The following GAD2 variants were observed in gnomAD, a reference collection of about 807,000 sequenced individuals.
GAD2 encodes the protein glutamate decarboxylase 2.
Under a neutral mutation model 80.1 loss-of-function variants are expected in GAD2, and 22 were observed. That is an observed-to-expected ratio of 0.27 (90% CI 0.20 to 0.39). The LOEUF (loss-of-function observed/expected upper bound fraction) is 0.39, where lower values mean the gene tolerates loss of function less well. Among genes scored for constraint, GAD2 ranks in the 10% least tolerant of loss-of-function variants. The pLI is 1.00. For missense variants in GAD2, 624 were observed against 738.4 expected (o/e 0.85, Z 1.80); for synonymous variants, 274 against 256.9 (o/e 1.07, Z -0.64).
rs778769178 is a variant in GAD2 at position 26,217,819 on chromosome 10, C to T, written c.137-23C>T. ...GGGCCCGGCGGAGGATTGACGAGGC[C>T]CGCGTTCGGTGTCCTTACCCAGCCC... On this transcript the variant is annotated intron_variant, in intron 2 of 15. Coordinates refer to ENST00000376261, the MANE Select transcript of GAD2 (RefSeq NM_001134366.2). The surrounding 1 kb of genome is among the most constrained non-coding windows in gnomAD (Gnocchi z 4.9). 1.9e-6 allele frequency: 3 copies of T among 1,589,688 alleles called. No homozygotes were observed. The highest frequency in any genetic ancestry group is 2.6e-6 in the Non-Finnish European group (3 of 1,167,368).
At chr10:26,254,288 C>T (rs967918767) in intron 8 of GAD2, among the ~76,000 whole-genome samples, 4 of 152,202 alleles carry the variant, frequency 2.6e-5, no homozygotes, top group African/African-American at 7.2e-5. Context: ...CTGCCCGCCT[C>T]GACCTCCCAA....
intron 15 of GAD2, among the ~76,000 whole-genome samples, chr10:26,299,983 T>C (rs552435827): frequency 1.3e-5 from 2 of 152,240 alleles, no homozygotes; most frequent in African/African-American, 4.8e-5. Flanking sequence ...ATTCAAGAGA[T>C]ATTTAATAAA....
intron 13 of GAD2, among the ~76,000 whole-genome samples, chr10:26,289,248 G>T (rs928040588): frequency 6.6e-6 from 1 of 152,146 alleles, no homozygotes; most frequent in Non-Finnish European, 1.5e-5. Context: ...GAAAGAGTTG[G>T]CTATGATGTT....
rs902123454 is a variant in GAD2 at position 26,262,561 on chromosome 10, T to TA, written c.921-6549dup. ...CTTTTTATTTAGTTTTCTAATTCAC[T>TA]AAAAAAAAATTCCTTGTTTCTGCTT... On this transcript the variant is annotated intron_variant, in intron 8 of 15. Coordinates refer to ENST00000376261, the MANE Select transcript of GAD2 (RefSeq NM_001134366.2). Among the ~76,000 whole-genome samples the TA allele has an allele frequency of 2.3e-4, 35 of 151,258 alleles. No individual in the cohort carries two copies. In the East Asian group the frequency reaches 4.1e-3, roughly 18 times the overall value.
At position 26,229,785 on chromosome 10, in the gene GAD2, T is replaced by C; in HGVS notation, c.840+8T>C. 1.9e-6 allele frequency: 3 copies of C among 1,589,186 alleles called. No homozygotes were observed. Among genetic ancestry groups the C allele is most frequent in the Non-Finnish European group, 2.6e-6 (3 of 1,158,144 alleles). On this transcript the variant is annotated splice_region_variant and intron_variant, in intron 7 of 15. Transcript: ENST00000376261. The stretch of plus-strand genomic sequence containing the variant: ...GCCTTCACGTCTGAACATGTATGTG[T>C]TTCTTTTCCTTGCAAGTTTAAGGTT...
chr10:26,290,109 G>T (rs748899935), intron 13 of GAD2, among the ~76,000 whole-genome samples: 4 of 151,984 alleles, frequency 2.6e-5, no homozygotes, highest in Non-Finnish European at 5.9e-5. Context: ...ATATTAAAGG[G>T]AAATGGACAT....
chr10:26,269,730 C>A, intron 9 of GAD2, among the ~76,000 whole-genome samples: 1 of 152,186 alleles, frequency 6.6e-6, no homozygotes, highest in South Asian at 2.1e-4. Context: ...TTCTAGAATT[C>A]TTTGTTTACC....
intron 4 of GAD2, 151 bp downstream of exon 4, chr10:26,219,427 G>T: frequency 1.7e-6 from 1 of 578,088 alleles, no homozygotes; most frequent in Non-Finnish European, 3.0e-6. Flanking sequence ...TTATTAGAAT[G>T]ATTCTAATCC....
In GAD2 at chr10:26,301,197, G is replaced by T. The variant is rs376226152; in HGVS notation, c.*236G>T. The T allele has an allele frequency of 1.9e-4, 85 of 438,522 alleles. 3 individuals are homozygous for T. The South Asian group carries it at 2.5e-3, about 13-fold the overall frequency. 27.2% of individuals were successfully genotyped at this position (438,522 alleles called of 1,614,324 possible). On this transcript the variant is annotated 3_prime_UTR_variant, in exon 16 of 16. Transcript: ENST00000376261. ...GCTATGTTCTAATCAATAAGGAAAA[G>T]CTTAAAATTGTTATAAATACTTCCC...
At position 26,292,886 on chromosome 10, in the gene GAD2, C is replaced by G; in HGVS notation, c.1495-16C>G. ...CCAGCCTGGGCCAAATGTGAATCTT[C>G]CTTTCCTCTTTGTAGCCTCAGCACA... On this transcript the variant is annotated splice_polypyrimidine_tract_variant and intron_variant, in intron 14 of 15. Coordinates refer to ENST00000376261, the MANE Select transcript of GAD2 (RefSeq NM_001134366.2). 6.2e-7 allele frequency: 1 copy of G among 1,608,890 alleles called. No individual in the cohort carries two copies. Among genetic ancestry groups the G allele is most frequent in the East Asian group, 2.2e-5 (1 of 44,866 alleles).
chr10:26,262,493 G>C (rs1845021365), intron 8 of GAD2, among the ~76,000 whole-genome samples: 1 of 151,254 alleles, frequency 6.6e-6, no homozygotes, highest in Non-Finnish European at 1.5e-5. Flanking sequence ...TTGTGTATCT[G>C]TTGATATTTT....
intron 8 of GAD2, among the ~76,000 whole-genome samples, chr10:26,249,701 C>G (rs1352323179): frequency 2.0e-5 from 3 of 152,196 alleles, no homozygotes; most frequent in Admixed American, 2.0e-4. Context: ...CAGAAGTGGT[C>G]TTGGATGAGT....
At chr10:26,226,476 G>A (rs1673027287) in intron 6 of GAD2, among the ~76,000 whole-genome samples, 1 of 152,156 alleles carries the variant, frequency 6.6e-6, no homozygotes, top group African/African-American at 2.4e-5. Flanking sequence ...TGCAAAGTTG[G>A]GAGGAGACAG....
chr10:26,229,860 C>G, intron 7 of GAD2, 83 bp downstream of exon 7: 2 of 964,594 alleles, frequency 2.1e-6, no homozygotes, highest in Non-Finnish European at 3.2e-6. Flanking sequence ...AATGCATTAT[C>G]CCCAGAGGCC....
chr10:26,287,988 C>G (rs1263006233), intron 13 of GAD2, among the ~76,000 whole-genome samples: 1 of 152,164 alleles, frequency 6.6e-6, no homozygotes, highest in African/African-American at 2.4e-5. Context: ...TTCCACAAGT[C>G]TGTGTAAAAA....
chr10:26,278,001 T>C (rs1014562726), intron 11 of GAD2, among the ~76,000 whole-genome samples: 3 of 151,456 alleles, frequency 2.0e-5, no homozygotes, highest in Non-Finnish European at 4.4e-5. Flanking sequence ...TTTTTTTTTT[T>C]AAATAAATTG....
rs142204936 is a variant in GAD2, at chr10:26,221,352, A to G, written c.520+2076A>G. Reference sequence around the variant, plus strand: ...AGGAGTGAAGGGCAGTGGGAAAATGAAGTCTTCATGGATTGTTAAAATTAC... The same window carrying G: ...AGGAGTGAAGGGCAGTGGGAAAATGGAGTCTTCATGGATTGTTAAAATTAC... On this transcript the variant is annotated intron_variant, in intron 4 of 15. Coordinates refer to ENST00000376261, the MANE Select transcript of GAD2 (RefSeq NM_001134366.2). Among the ~76,000 whole-genome samples the G allele has an allele frequency of 4.6e-5, 7 of 152,320 alleles. No individual in the cohort carries two copies. In the East Asian group the frequency reaches 1.2e-3, roughly 25 times the overall value.
rs1023976001 is a variant in GAD2 at position 26,217,051 on chromosome 10, C to T, written c.76+166C>T. Reference sequence around the variant, plus strand: ...CCTTGACGGCCCAAGAGCTCAAGACCTCTACAGCCTCTTGTACCCTGGGAA... The same window carrying T: ...CCTTGACGGCCCAAGAGCTCAAGACTTCTACAGCCTCTTGTACCCTGGGAA... On this transcript the variant is annotated intron_variant, in intron 1 of 15. Coordinates refer to ENST00000376261, the MANE Select transcript of GAD2 (RefSeq NM_001134366.2). This position sits in a 1 kb window ranked among gnomAD's most constrained non-coding sequence, Gnocchi z 4.9. Among the ~76,000 whole-genome samples the T allele has an allele frequency of 6.6e-6, 1 of 152,076 alleles. No homozygotes were observed. The highest frequency in any genetic ancestry group is 6.6e-5 in the Admixed American group (1 of 15,260).
intron 8 of GAD2, among the ~76,000 whole-genome samples, chr10:26,262,333 G>A (rs1481497283): frequency 1.4e-5 from 2 of 147,724 alleles, no homozygotes; most frequent in Non-Finnish European, 3.0e-5. Flanking sequence ...CCTTTCCCAG[G>A]GAAAAATTAT....
Sources: allele counts gnomAD v4.1 joint callset (sites outside exome capture counted in the v4.1 genomes callset), GRCh38; gene constraint gnomAD v4.1.1; non-coding constraint Gnocchi (gnomAD v3.1); transcripts MANE v1.5; gene names NCBI Gene and HGNC (gene_info 2026-07-23, HGNC 2026-07-21).